DGKG: variants seen among roughly 807,000 people sequenced by gnomAD.
DGKG encodes DAG kinase gamma.
Under a neutral mutation model 105.3 loss-of-function variants are expected in DGKG, and 78 were observed. The ratio of observed to expected loss-of-function variants is 0.74; its 90% CI spans 0.62 to 0.89. The LOEUF is 0.89. DGKG is among the 40% of genes least tolerant of loss of function. The pLI, the probability that DGKG is intolerant of heterozygous loss-of-function variation, is 0.00. For synonymous variants in DGKG, 346 were observed against 367.1 expected, an observed-to-expected ratio of 0.94 and a Z score of 0.66; for missense variants, 958 against 1,020.1, an observed-to-expected ratio of 0.94 and a Z score of 0.83.
At chr3:186,213,704 G>C (rs920790240) in intron 20 of DGKG, among the ~76,000 whole-genome samples, 1 of 152,136 alleles carries the variant, frequency 6.6e-6, no homozygotes, top group Non-Finnish European at 1.5e-5. Flanking sequence ...CCAATCTGTA[G>C]AGATTCTATG....
intron 1 of DGKG, among the ~76,000 whole-genome samples, chr3:186,343,088 A>G (rs923298314): frequency 6.6e-6 from 1 of 152,210 alleles, no homozygotes; most frequent in Non-Finnish European, 1.5e-5. Flanking sequence ...GGCCAAAAAA[A>G]GTTGGAGGAA....
chr3:186,172,465 C>G (rs1358861436), intron 22 of DGKG, among the ~76,000 whole-genome samples: 2 of 152,220 alleles, frequency 1.3e-5, no homozygotes, highest in African/African-American at 4.8e-5. Flanking sequence ...GCAAGGAAGC[C>G]TGCCCCATAC....
rs139479407 is a variant in DGKG at position 186,189,444 on chromosome 3, G to A, written c.1918-1065C>T. Among the ~76,000 whole-genome samples, 1,141 of 152,310 alleles carry A rather than the reference G, an allele frequency of 7.5e-3. 8 individuals are homozygous for A. The highest frequency in any genetic ancestry group is 0.026 in the African/African-American group (1,077 of 41,566). Reference sequence around the variant, plus strand: ...TAGGTAGTTTATTTCACTTACAGAAGCAAACACTGGACCCAGAGACTTGAG... The same window carrying A: ...TAGGTAGTTTATTTCACTTACAGAAACAAACACTGGACCCAGAGACTTGAG... On this transcript the variant is annotated intron_variant, in intron 21 of 24. Transcript: ENST00000265022.
At chr3:186,244,721 C>T (rs6782777) in intron 19 of DGKG, among the ~76,000 whole-genome samples, 6,984 of 152,134 alleles carry the variant, frequency 0.046, 537 homozygotes, top group African/African-American at 0.16. Flanking sequence ...TATTTTTTAG[C>T]TTAAGATATA....
At chr3:186,352,571 C>G (rs1726684962) in intron 1 of DGKG, among the ~76,000 whole-genome samples, 1 of 152,046 alleles carries the variant, frequency 6.6e-6, no homozygotes, top group Non-Finnish European at 1.5e-5. Context: ...GTTACCTAAC[C>G]CCACACCTGC....
intron 22 of DGKG, among the ~76,000 whole-genome samples, chr3:186,174,921 T>A (rs1308521196): frequency 6.6e-6 from 1 of 152,074 alleles, no homozygotes; most frequent in Non-Finnish European, 1.5e-5. Context: ...CCAGAGGGCA[T>A]TGAGTGGCCT....
At chr3:186,323,082 C>T (rs751534370) in intron 1 of DGKG, among the ~76,000 whole-genome samples, 3 of 152,168 alleles carry the variant, frequency 2.0e-5, no homozygotes, top group Non-Finnish European at 4.4e-5. Context: ...GTTCTCCTCC[C>T]CTTGGTCTGC....
At chr3:186,314,275 T>C (rs77055195) in intron 2 of DGKG, among the ~76,000 whole-genome samples, 59 of 152,016 alleles carry the variant, frequency 3.9e-4, no homozygotes, top group Admixed American at 1.3e-3. Flanking sequence ...TTGTTTAATT[T>C]GTTGTTGCTG....
intron 1 of DGKG, among the ~76,000 whole-genome samples, chr3:186,335,428 C>T (rs566220569): frequency 1.3e-5 from 2 of 152,248 alleles, no homozygotes; most frequent in Admixed American, 1.3e-4. Context: ...ACAGTAATTT[C>T]ATTTTCCTTC....
intron 19 of DGKG, among the ~76,000 whole-genome samples, chr3:186,243,860 C>T (rs1720801370): frequency 6.7e-6 from 1 of 149,132 alleles, no homozygotes; most frequent in African/African-American, 2.5e-5. Flanking sequence ...TCATCAAATG[C>T]ATATTAATTC....
At chr3:186,205,086 G>A (rs1487190598) in intron 21 of DGKG, among the ~76,000 whole-genome samples, 4 of 151,800 alleles carry the variant, frequency 2.6e-5, no homozygotes, top group Non-Finnish European at 4.4e-5. Context: ...GCGAAACCCC[G>A]TCTCTACTAA....
At chr3:186,189,104 C>G (rs545338591) in intron 21 of DGKG, among the ~76,000 whole-genome samples, 1 of 152,156 alleles carries the variant, frequency 6.6e-6, no homozygotes, top group Non-Finnish European at 1.5e-5. Context: ...TGAGCCACCA[C>G]GCCTGGCCAG....
At chr3:186,338,816 C>T (rs1036752118) in intron 1 of DGKG, among the ~76,000 whole-genome samples, 7 of 152,026 alleles carry the variant, frequency 4.6e-5, no homozygotes, top group South Asian at 2.1e-4. Flanking sequence ...TGGAGGCTTA[C>T]GGAACATTGA....
intron 2 of DGKG, among the ~76,000 whole-genome samples, chr3:186,307,521 T>C (rs1476697406): frequency 6.6e-6 from 1 of 152,212 alleles, no homozygotes; most frequent in East Asian, 1.9e-4. Context: ...ATTCCCTTCA[T>C]TGGCTCCCAC....
rs1452573661 is a variant in DGKG at position 186,297,068 on chromosome 3, T to TCTCA, written c.373+352_373+353insTGAG. ...CTCTCTGTCTGTCTGTCTGTCTCTCTCACACACACACACACACACACACAC... is the reference window on the plus strand; with the variant it reads ...CTCTCTGTCTGTCTGTCTGTCTCTCTCTCACACACACACACACACACACACACAC... On this transcript the variant is annotated intron_variant, in intron 5 of 24. Transcript: ENST00000265022. Among the ~76,000 whole-genome samples the TCTCA allele has an allele frequency of 6.8e-3, 893 of 130,504 alleles. 5 individuals are homozygous for TCTCA. Among genetic ancestry groups the TCTCA allele is most frequent in the African/African-American group, 0.013 (453 of 34,684 alleles). 85.6% of individuals were successfully genotyped at this position (130,504 alleles called of 152,430 possible).
At chr3:186,271,625 G>C (rs139753060) in intron 11 of DGKG, among the ~76,000 whole-genome samples, 1 of 152,078 alleles carries the variant, frequency 6.6e-6, no homozygotes, top group Admixed American at 6.5e-5. Flanking sequence ...AGTGGCCCCC[G>C]GCTGCACAGA....
At chr3:186,337,798 G>A (rs1289855495) in intron 1 of DGKG, among the ~76,000 whole-genome samples, 1 of 152,116 alleles carries the variant, frequency 6.6e-6, no homozygotes, top group Non-Finnish European at 1.5e-5. Context: ...TTAAAAAATT[G>A]CTGCTTTCCT....
chr3:186,324,313 T>C (rs990819049), intron 1 of DGKG, among the ~76,000 whole-genome samples: 5 of 152,142 alleles, frequency 3.3e-5, no homozygotes, highest in African/African-American at 1.2e-4. Context: ...TGAACTTTGG[T>C]TTCTTCATCT....
intron 20 of DGKG, among the ~76,000 whole-genome samples, chr3:186,218,537 G>A (rs920153215): frequency 5.6e-5 from 8 of 142,044 alleles, no homozygotes; most frequent in African/African-American, 1.8e-4. Context: ...TGAAAGACTC[G>A]GACCAACTGC....
Sources: allele counts gnomAD v4.1 joint callset (sites outside exome capture counted in the v4.1 genomes callset), GRCh38; gene constraint gnomAD v4.1.1; transcripts MANE v1.5; gene names NCBI Gene and HGNC (gene_info 2026-07-23, HGNC 2026-07-21).